The following PDE8B variants were observed in gnomAD, a reference collection of about 807,000 sequenced individuals.
PDE8B encodes phosphodiesterase 8B, also known as high affinity cAMP-specific and IBMX-insensitive 3',5'-cyclic phosphodiesterase 8B.
PDE8B carries 26 observed loss-of-function variants against 101.3 expected under a neutral mutation model. That is an observed-to-expected ratio of 0.26 (90% confidence interval 0.19 to 0.36). The LOEUF is 0.36. PDE8B is among the 10% of genes least tolerant of loss of function. The pLI, the probability that PDE8B is intolerant of heterozygous loss-of-function variation, is 1.00. For missense variants in PDE8B, 810 were observed against 1,163.1 expected (o/e 0.70, Z 4.42); for synonymous variants, 424 against 429.3 (o/e 0.99, Z 0.15).
At chr5:77,257,051 A>G (rs994029764) in intron 1 of PDE8B, among the ~76,000 whole-genome samples, 1 of 152,208 alleles carries the variant, frequency 6.6e-6, no homozygotes, top group African/African-American at 2.4e-5. Flanking sequence ...TGTCAATCAC[A>G]AAAAAGTAGA....
intron 1 of PDE8B, among the ~76,000 whole-genome samples, chr5:77,235,986 C>A (rs551262666): frequency 1.3e-5 from 2 of 152,274 alleles, no homozygotes; most frequent in African/African-American, 4.8e-5. Context: ...TAAGGTCACA[C>A]CACCAGGAAG....
rs370748047 is a variant in PDE8B, at chr5:77,384,786, C to T, written c.1168-15462C>T. 7.2e-5 allele frequency among the ~76,000 whole-genome samples: 11 copies of T among 152,216 alleles called. No individual in the cohort carries two copies. In the East Asian group the frequency reaches 9.7e-4, roughly 13 times the overall value. On this transcript the variant is annotated intron_variant, in intron 10 of 21. Coordinates refer to ENST00000264917, the MANE Select transcript of PDE8B (RefSeq NM_003719.5). ...GTGATGGGTCACAGTTATTAATTTG[C>T]GTATGTCTAACCAGCCATGCATCCC...
chr5:77,332,846 A>G (rs1777406166), intron 5 of PDE8B, among the ~76,000 whole-genome samples: 1 of 152,054 alleles, frequency 6.6e-6, no homozygotes, highest in Admixed American at 6.6e-5. Context: ...TCAAAAAAAA[A>G]AAAAAAAAGA....
chr5:77,239,096 T>C (rs1014543726), intron 1 of PDE8B, among the ~76,000 whole-genome samples: 5 of 152,360 alleles, frequency 3.3e-5, no homozygotes, highest in African/African-American at 4.8e-5. Context: ...TCAATTATCT[T>C]GTCCCATGCA....
At chr5:77,162,323 A>G in the PDE8B span, among the ~76,000 whole-genome samples, 1 of 152,274 alleles carries the variant, frequency 6.6e-6, no homozygotes, top group East Asian at 1.9e-4. Flanking sequence ...ATTGAATTTA[A>G]TATTGATGAG....
At chr5:77,414,846 C>G (rs1795223076) in intron 17 of PDE8B, among the ~76,000 whole-genome samples, 1 of 152,126 alleles carries the variant, frequency 6.6e-6, no homozygotes, top group Non-Finnish European at 1.5e-5. Context: ...CCTCTGCAGT[C>G]TTGAGTTAGA....
chr5:77,311,599 C>G (rs1468149598), intron 1 of PDE8B, among the ~76,000 whole-genome samples: 1 of 152,142 alleles, frequency 6.6e-6, no homozygotes, highest in African/African-American at 2.4e-5. Flanking sequence ...TTTGAAATTT[C>G]AGAATAATAA....
At chr5:77,291,583 T>A (rs371097691) in intron 1 of PDE8B, 1 of 1,598,098 alleles carries the variant, frequency 6.3e-7, no homozygotes, top group Non-Finnish European at 8.6e-7. Context: ...CTGGGCAGAA[T>A]CTTTCGCTGG....
intron 10 of PDE8B, among the ~76,000 whole-genome samples, chr5:77,369,252 G>A (rs992154742): frequency 6.9e-6 from 1 of 145,658 alleles, no homozygotes; most frequent in African/African-American, 2.5e-5. Context: ...GAGATGTTTT[G>A]ATCAAAACAT....
At chr5:77,196,017 C>A in the PDE8B span, among the ~76,000 whole-genome samples, 1 of 152,168 alleles carries the variant, frequency 6.6e-6, no homozygotes, top group Non-Finnish European at 1.5e-5. Flanking sequence ...TCTCTAGTGA[C>A]AAATGATGTT....
intron 2 of PDE8B, among the ~76,000 whole-genome samples, chr5:77,317,059 G>A (rs1773913176): frequency 6.6e-6 from 1 of 152,150 alleles, no homozygotes. Flanking sequence ...TACCTCCTAT[G>A]TTCAGGGCTC....
At chr5:77,195,276 G>T in the PDE8B span, among the ~76,000 whole-genome samples, 1 of 152,274 alleles carries the variant, frequency 6.6e-6, no homozygotes, top group East Asian at 1.9e-4. Context: ...ATAATGGCAT[G>T]AATCCATTCA....
At chr5:77,197,526 T>G in the PDE8B span, among the ~76,000 whole-genome samples, 2 of 145,430 alleles carry the variant, frequency 1.4e-5, no homozygotes, top group South Asian at 4.2e-4. Context: ...ATTTAATTTG[T>G]TTTTTTTTTC....
intron 10 of PDE8B, among the ~76,000 whole-genome samples, chr5:77,364,663 T>TGTTATTTGTTAG (rs1419154019): frequency 1.6e-4 from 25 of 152,298 alleles, no homozygotes; most frequent in African/African-American, 5.5e-4. Context: ...GCTTCAACTT[T>TGTTATTTGTTAG]TCCTCATTAT....
intron 1 of PDE8B, among the ~76,000 whole-genome samples, chr5:77,311,635 T>A (rs1195958767): frequency 6.6e-6 from 1 of 152,204 alleles, no homozygotes; most frequent in Non-Finnish European, 1.5e-5. Context: ...GCCCAGCACA[T>A]AGTAGGTGCT....
the PDE8B span, among the ~76,000 whole-genome samples, chr5:77,160,066 G>T: frequency 6.6e-6 from 1 of 152,132 alleles, no homozygotes; most frequent in Non-Finnish European, 1.5e-5. Context: ...AGGGAATGCA[G>T]GCATGCCCAC....
At chr5:77,244,541 C>T (rs2149570391) in intron 1 of PDE8B, among the ~76,000 whole-genome samples, 1 of 152,024 alleles carries the variant, frequency 6.6e-6, no homozygotes, top group Non-Finnish European at 1.5e-5. Flanking sequence ...AGTGGCCCAG[C>T]AGGCCTCAGT....
At chr5:77,417,853 C>T (rs895602866) in intron 17 of PDE8B, among the ~76,000 whole-genome samples, 35 of 152,290 alleles carry the variant, frequency 2.3e-4, no homozygotes, top group African/African-American at 8.2e-4. Flanking sequence ...GCTACCAGCA[C>T]ACTCAAAATC....
chr5:77,145,026 A>G, the PDE8B span: 1 of 152,146 alleles, frequency 6.6e-6, no homozygotes, highest in African/African-American at 2.4e-5. Context: ...AACAAATGTG[A>G]CATTTTCCAA....
Sources: allele counts gnomAD v4.1 joint callset (sites outside exome capture counted in the v4.1 genomes callset), GRCh38; gene constraint gnomAD v4.1.1; transcripts MANE v1.5; gene names NCBI Gene and HGNC (gene_info 2026-07-23, HGNC 2026-07-21).